The following DNER variants were observed in gnomAD, a reference collection of about 807,000 sequenced individuals.
The protein encoded by DNER is delta/notch like EGF repeat containing, also known as delta and Notch-like epidermal growth factor-related receptor.
DNER carries 33 observed loss-of-function variants against 78.2 expected under a neutral mutation model. That is an observed-to-expected ratio of 0.42 (90% CI 0.32 to 0.56). DNER has a LOEUF of 0.56. DNER is among the 20% of genes least tolerant of loss of function. The probability of loss-of-function intolerance (pLI) is 0.11; values close to 1 mark genes in which losing one functional copy is unlikely to be tolerated. For synonymous variants in DNER, 417 were observed against 384.8 expected, an observed-to-expected ratio of 1.08 and a Z score of -0.98; for missense variants, 918 against 975.3, an observed-to-expected ratio of 0.94 and a Z score of 0.78.
chr2:229,685,312 T>C (rs1247949796), intron 1 of DNER, among the ~76,000 whole-genome samples: 1 of 112,728 alleles, frequency 8.9e-6, no homozygotes, highest in Non-Finnish European at 1.8e-5. Flanking sequence ...TCATCGTTTT[T>C]ATTTCTATCA....
intron 5 of DNER, among the ~76,000 whole-genome samples, chr2:229,530,797 G>A (rs994854569): frequency 5.3e-5 from 8 of 152,208 alleles, no homozygotes; most frequent in African/African-American, 1.9e-4. Context: ...GCTGATCTTA[G>A]CCTTCAAATG....
At chr2:229,528,413 T>C (rs1696244807) in intron 5 of DNER, among the ~76,000 whole-genome samples, 1 of 152,250 alleles carries the variant, frequency 6.6e-6, no homozygotes, top group Non-Finnish European at 1.5e-5. Context: ...TAGAAATTTT[T>C]CCAGCATTTA....
chr2:229,659,705 C>T (rs1698974815), intron 1 of DNER, among the ~76,000 whole-genome samples: 1 of 152,150 alleles, frequency 6.6e-6, no homozygotes, highest in Non-Finnish European at 1.5e-5. Context: ...TGAAAAACAA[C>T]TGACCTAAAG....
chr2:229,396,848 A>T (rs1693155262), intron 10 of DNER, among the ~76,000 whole-genome samples: 1 of 152,202 alleles, frequency 6.6e-6, no homozygotes, highest in South Asian at 2.1e-4. Context: ...GGCAACAAAA[A>T]GTACCTCTGA....
At chr2:229,607,444 C>T (rs1192244411) in intron 1 of DNER, among the ~76,000 whole-genome samples, 1 of 152,130 alleles carries the variant, frequency 6.6e-6, no homozygotes, top group East Asian at 1.9e-4. Context: ...CAGCTAGTAA[C>T]ATAATGAGAA....
intron 5 of DNER, among the ~76,000 whole-genome samples, chr2:229,525,220 C>A (rs1268627966): frequency 6.6e-6 from 1 of 152,210 alleles, no homozygotes; most frequent in Non-Finnish European, 1.5e-5. Flanking sequence ...CTTTCCTAGT[C>A]AACCTAAAAT....
At chr2:229,505,177 AGTGTGTGTGTGTGT>A (rs144321798) in intron 6 of DNER, among the ~76,000 whole-genome samples, 7 of 126,512 alleles carry the variant, frequency 5.5e-5, no homozygotes, top group Admixed American at 1.6e-4. Flanking sequence ...GTGTTGCTGC[AGTGTGTGTGTGTGT>A]GTGTGTGTGT....
At chr2:229,366,488 G>A (rs1162809544) in intron 12 of DNER, among the ~76,000 whole-genome samples, 1 of 152,220 alleles carries the variant, frequency 6.6e-6, no homozygotes, top group East Asian at 1.9e-4. Context: ...TCTTTTGCTA[G>A]GCCCTTACGT....
chr2:229,574,837 G>C (rs1394614205), intron 4 of DNER, among the ~76,000 whole-genome samples: 1 of 152,062 alleles, frequency 6.6e-6, no homozygotes, highest in Admixed American at 6.5e-5. Context: ...TGCTACAAAG[G>C]AGCAGAAATT....
intron 1 of DNER, among the ~76,000 whole-genome samples, chr2:229,635,805 G>A (rs1355308017): frequency 1.3e-5 from 2 of 152,030 alleles, no homozygotes; most frequent in East Asian, 1.9e-4. Flanking sequence ...ACCATGTACT[G>A]GTAACAAAAG....
chr2:229,489,509 C>A (rs1241736277), intron 6 of DNER, among the ~76,000 whole-genome samples: 23 of 124,604 alleles, frequency 1.8e-4, no homozygotes, highest in African/African-American at 7.3e-4. Flanking sequence ...GGGGCGCGGA[C>A]AGAGGGAAGG....
intron 1 of DNER, among the ~76,000 whole-genome samples, chr2:229,692,623 G>A (rs1008793175): frequency 6.6e-6 from 1 of 152,162 alleles, no homozygotes; most frequent in Non-Finnish European, 1.5e-5. Flanking sequence ...ATTAAGCCAT[G>A]CATAAAAATT....
At chr2:229,365,060 A>T (rs1692314214) in intron 12 of DNER, among the ~76,000 whole-genome samples, 1 of 152,036 alleles carries the variant, frequency 6.6e-6, no homozygotes, top group Non-Finnish European at 1.5e-5. Context: ...ATGATATTTC[A>T]CTTTTACTTC....
intron 1 of DNER, among the ~76,000 whole-genome samples, chr2:229,644,088 C>T (rs1285303638): frequency 6.6e-6 from 1 of 152,102 alleles, no homozygotes; most frequent in Non-Finnish European, 1.5e-5. Context: ...AGGGATCAGC[C>T]CTGCACCTGC....
chr2:229,588,471 G>T lies in DNER; in HGVS notation c.603C>A (p.Ala201=). 1 of 1,604,990 alleles carries T rather than the reference G, an allele frequency of 6.2e-7. No homozygotes were observed. Among genetic ancestry groups the T allele is most frequent in the Non-Finnish European group, 8.5e-7 (1 of 1,177,596 alleles). The change falls in exon 3 of 13, where the codon GCC becomes GCA. Residue 201 remains alanine, a synonymous_variant. Coordinates refer to ENST00000341772, the MANE Select transcript of DNER (RefSeq NM_139072.4). ...WDQVEVIPDI[A]CGNASSNSSA... ...AGCTGTTAGAACTGGCATTCCCACA[G>T]GCAATATCTGGGATCACCTGGGAAG...
At chr2:229,507,991 T>C (rs1695779359) in intron 6 of DNER, among the ~76,000 whole-genome samples, 1 of 152,056 alleles carries the variant, frequency 6.6e-6, no homozygotes, top group Admixed American at 6.6e-5. Context: ...ATTATTAGTA[T>C]CAAAAATAAA....
intron 1 of DNER, among the ~76,000 whole-genome samples, chr2:229,701,553 T>C (rs1201308328): frequency 6.6e-6 from 1 of 152,248 alleles, no homozygotes; most frequent in African/African-American, 2.4e-5. Context: ...TAGCTCCTGG[T>C]CTATGTCTTA....
chr2:229,564,782 G>A (rs1470599042), intron 4 of DNER, among the ~76,000 whole-genome samples: 1 of 152,076 alleles, frequency 6.6e-6, no homozygotes, highest in African/African-American at 2.4e-5. Context: ...TATTTAAAAT[G>A]GAGTCCTGGC....
chr2:229,392,602 G>A (rs73098272), intron 10 of DNER, among the ~76,000 whole-genome samples: 1 of 152,158 alleles, frequency 6.6e-6, no homozygotes, highest in Non-Finnish European at 1.5e-5. Context: ...CAGATGAGCA[G>A]TTCCCAAACT....
Sources: allele counts gnomAD v4.1 joint callset (sites outside exome capture counted in the v4.1 genomes callset), GRCh38; gene constraint gnomAD v4.1.1; transcripts MANE v1.5; gene names NCBI Gene and HGNC (gene_info 2026-07-23, HGNC 2026-07-21).